Variants in GRIN2A observed in about 807,000 individuals in gnomAD.
GRIN2A encodes the protein glutamate receptor ionotropic, NMDA 2A.
A neutral mutation model predicts 113.4 loss-of-function variants in GRIN2A; 22 were observed. That is an observed-to-expected ratio of 0.19 (90% CI 0.14 to 0.28). The LOEUF is 0.28. Among genes scored for constraint, GRIN2A ranks in the 10% least tolerant of loss-of-function variants. The probability of loss-of-function intolerance (pLI) is 1.00; values close to 1 mark genes in which losing one functional copy is unlikely to be tolerated. For synonymous variants in GRIN2A, 827 were observed against 738.4 expected, an observed-to-expected ratio of 1.12 and a Z score of -1.94; for missense variants, 1,502 against 1,887.0, an observed-to-expected ratio of 0.80 and a Z score of 3.78.
intron 2 of GRIN2A, among the ~76,000 whole-genome samples, chr16:9,946,382 C>A (rs1189402629): frequency 1.3e-5 from 2 of 152,186 alleles, no homozygotes; most frequent in African/African-American, 4.8e-5. Flanking sequence ...GGGGTTGGGT[C>A]TCTGAGGAGC....
intron 3 of GRIN2A, among the ~76,000 whole-genome samples, chr16:9,902,848 A>T (rs1487947485): frequency 2.7e-5 from 4 of 150,924 alleles, no homozygotes; most frequent in African/African-American, 9.8e-5. Context: ...CATCCTCTTC[A>T]GTCTAAACCC....
chr16:9,940,553 A>C (rs2044847509), intron 2 of GRIN2A, among the ~76,000 whole-genome samples: 1 of 152,184 alleles, frequency 6.6e-6, no homozygotes, highest in Non-Finnish European at 1.5e-5. Context: ...ACCTGGCAGA[A>C]GTCTTGGCAC....
intron 2 of GRIN2A, among the ~76,000 whole-genome samples, chr16:10,172,036 C>T (rs755630864): frequency 6.6e-6 from 1 of 152,164 alleles, no homozygotes; most frequent in Admixed American, 6.5e-5. Flanking sequence ...AGTCTACCAC[C>T]CCAAAGATAA....
At chr16:9,891,855 G>A (rs2043700612) in intron 3 of GRIN2A, among the ~76,000 whole-genome samples, 1 of 152,194 alleles carries the variant, frequency 6.6e-6, no homozygotes, top group Non-Finnish European at 1.5e-5. Context: ...ACAGGAAAAT[G>A]TGAGATCAGG....
intron 4 of GRIN2A, among the ~76,000 whole-genome samples, chr16:9,863,592 G>C (rs2043109695): frequency 6.6e-6 from 1 of 152,192 alleles, no homozygotes; most frequent in South Asian, 2.1e-4. Context: ...ATCAGGCAGA[G>C]AAAATCAACT....
At chr16:10,092,348 C>T (rs771159096) in intron 2 of GRIN2A, among the ~76,000 whole-genome samples, 34 of 152,198 alleles carry the variant, frequency 2.2e-4, no homozygotes, top group Non-Finnish European at 4.3e-4. Flanking sequence ...ATTAACATTT[C>T]AGCAGACATG....
intron 4 of GRIN2A, among the ~76,000 whole-genome samples, chr16:9,872,894 A>T (rs945883461): frequency 6.6e-6 from 1 of 151,962 alleles, no homozygotes; most frequent in Non-Finnish European, 1.5e-5. Context: ...AAAACAAAAA[A>T]ACTAGCCAGG....
intron 4 of GRIN2A, among the ~76,000 whole-genome samples, chr16:9,866,035 G>A (rs1331876363): frequency 6.6e-6 from 1 of 152,136 alleles, no homozygotes; most frequent in Non-Finnish European, 1.5e-5. Flanking sequence ...GGCCCACAAA[G>A]CCTAAAATAT....
At chr16:9,967,799 T>A (rs1436133648) in intron 2 of GRIN2A, among the ~76,000 whole-genome samples, 1 of 152,010 alleles carries the variant, frequency 6.6e-6, no homozygotes, top group African/African-American at 2.4e-5. Flanking sequence ...TTAGTAGTCT[T>A]AGGTGATGGG....
At chr16:9,784,629 A>G (rs556615863) in intron 11 of GRIN2A, among the ~76,000 whole-genome samples, 2,098 of 152,228 alleles carry the variant, frequency 0.014, 51 homozygotes, top group African/African-American at 0.048. Context: ...ACAGCAAAAG[A>G]AACTACCATC....
intron 2 of GRIN2A, among the ~76,000 whole-genome samples, chr16:10,042,099 G>A (rs903361868): frequency 1.3e-5 from 2 of 152,108 alleles, no homozygotes; most frequent in South Asian, 2.1e-4. Context: ...TCCAAAAAAA[G>A]CACTCCACCC....
chr16:10,150,848 T>C (rs1270663305), intron 2 of GRIN2A, among the ~76,000 whole-genome samples: 1 of 152,216 alleles, frequency 6.6e-6, no homozygotes, highest in South Asian at 2.1e-4. Context: ...CTGTTTATCA[T>C]CTTGCTTCTC....
chr16:10,009,165 T>C (rs1210881189), intron 2 of GRIN2A, among the ~76,000 whole-genome samples: 4 of 152,182 alleles, frequency 2.6e-5, no homozygotes, highest in African/African-American at 4.8e-5. Context: ...CTTAGCCAAA[T>C]ACATACTCAG....
intron 10 of GRIN2A, among the ~76,000 whole-genome samples, chr16:9,807,348 G>C (rs1281286626): frequency 3.0e-5 from 1 of 33,278 alleles, no homozygotes; most frequent in Admixed American, 2.6e-4. Context: ...GAAGGGTGGA[G>C]GGGGAGAGGG....
chr16:10,017,673 T>C (rs994754369), intron 2 of GRIN2A, among the ~76,000 whole-genome samples: 55 of 152,228 alleles, frequency 3.6e-4, no homozygotes, highest in African/African-American at 1.1e-3. Flanking sequence ...TCAGTATACA[T>C]TGGTCATCAT....
intron 2 of GRIN2A, among the ~76,000 whole-genome samples, chr16:10,155,587 C>A (rs139006076): frequency 5.6e-4 from 85 of 152,314 alleles, no homozygotes; most frequent in African/African-American, 2.0e-3. Context: ...AATGTACTAT[C>A]TTTTCCACTG....
At chr16:9,835,939 T>A (rs1042008700) in intron 7 of GRIN2A, among the ~76,000 whole-genome samples, 17 of 152,186 alleles carry the variant, frequency 1.1e-4, no homozygotes, top group Non-Finnish European at 2.9e-5. Flanking sequence ...GTAACACAAC[T>A]TACTTAAGTA....
chr16:9,902,958 TTGGCGGGGGG>T (rs1567166245), intron 3 of GRIN2A, among the ~76,000 whole-genome samples: 1 of 35,758 alleles, frequency 2.8e-5, no homozygotes, highest in Admixed American at 3.6e-4. Context: ...TTTTTTTTTT[TTGGCGGGGGG>T]GTGGGGGGGT....
intron 10 of GRIN2A, among the ~76,000 whole-genome samples, chr16:9,806,634 G>C (rs578053312): frequency 1.3e-5 from 2 of 151,740 alleles, no homozygotes; most frequent in African/African-American, 4.8e-5. Context: ...ACATGAAGAC[G>C]GAGACAGAAA....
Sources: gnomAD v4.1 joint callset for allele counts (sites outside exome capture counted in the v4.1 genomes callset) on GRCh38, gnomAD v4.1.1 for gene constraint, MANE v1.5 for transcripts, NCBI Gene and HGNC (gene_info 2026-07-23, HGNC 2026-07-21) for gene names.